The following NT5C2 variants were observed in gnomAD, a reference collection of about 807,000 sequenced individuals.
The protein encoded by NT5C2 is cytosolic purine 5'-nucleotidase.
A neutral mutation model predicts 76.1 loss-of-function variants in NT5C2; 58 were observed. The ratio of observed to expected loss-of-function variants is 0.76; its 90% CI spans 0.62 to 0.95. NT5C2 has a LOEUF of 0.95. NT5C2 is among the 40% of genes least tolerant of loss of function. The pLI is 0.00. For missense variants in NT5C2, 478 were observed against 690.3 expected (o/e 0.69, Z 3.45); for synonymous variants, 229 against 237.4 (o/e 0.96, Z 0.32).
chr10:103,142,931 G>GT (rs2133274300), intron 3 of NT5C2, among the ~76,000 whole-genome samples: 1 of 149,322 alleles, frequency 6.7e-6, no homozygotes, highest in African/African-American at 2.5e-5. Flanking sequence ...AGAGGTTGCC[G>GT]TGAGCCAAGA....
intron 3 of NT5C2, among the ~76,000 whole-genome samples, chr10:103,141,817 T>C (rs1207809460): frequency 6.6e-6 from 1 of 152,204 alleles, no homozygotes; most frequent in African/African-American, 2.4e-5. Context: ...TCATGAAACT[T>C]ATATTGTAAT....
intron 4 of NT5C2, among the ~76,000 whole-genome samples, chr10:103,121,291 A>G (rs1472859771): frequency 6.6e-6 from 1 of 152,238 alleles, no homozygotes; most frequent in Non-Finnish European, 1.5e-5. Flanking sequence ...TATATTCTAT[A>G]TATTTTACCA....
intron 14 of NT5C2, 96 bp from the exon 15 acceptor site, chr10:103,093,405 CTTA>C: frequency 9.2e-7 from 1 of 1,089,418 alleles, no homozygotes; most frequent in African/African-American, 1.6e-5. Flanking sequence ...TCATTTTATT[CTTA>C]TATGAGGAAC....
At chr10:103,089,968 A>G (rs2066272449) in intron 18 of NT5C2, 60 bp from the exon 19 acceptor site, 2 of 1,383,788 alleles carry the variant, frequency 1.4e-6, no homozygotes, top group Non-Finnish European at 2.0e-6. Flanking sequence ...TACTCCCCAA[A>G]TCCTAACCCC....
rs368236468 is a variant in NT5C2, at chr10:103,093,985, G to A, written c.975C>T (p.Ile325=). 81 of 1,612,924 alleles carry A rather than the reference G, an allele frequency of 5.0e-5. No homozygotes were observed. The highest frequency in any genetic ancestry group is 3.5e-4 in the South Asian group (32 of 91,058). ...GTYTGPLQHG[I]VYSGGSSDTI... ...TCTGTGACTTACCTCCTGAGTAGAC[G>A]ATACCATGCTGTAGGGGCCCTGTGT... The change falls in exon 14 of 19, where the codon ATC becomes ATT. Residue 325 remains isoleucine, a synonymous_variant. Coordinates refer to ENST00000404739, the MANE Select transcript of NT5C2 (RefSeq NM_001351169.2).
chr10:103,187,612 T>A (rs901080558), intron 1 of NT5C2, among the ~76,000 whole-genome samples: 3 of 151,990 alleles, frequency 2.0e-5, no homozygotes, highest in African/African-American at 7.2e-5. Flanking sequence ...TTGGTCTTAT[T>A]TACACAGCAT....
chr10:103,106,451 C>T (rs2071292400), intron 5 of NT5C2, 138 bp downstream of exon 5: 1 of 652,254 alleles, frequency 1.5e-6, no homozygotes, highest in Non-Finnish European at 2.7e-6. Flanking sequence ...TCAACATCAA[C>T]CAACCAAAAA....
chr10:103,156,389 G>C (rs2083384342), intron 3 of NT5C2, among the ~76,000 whole-genome samples: 1 of 152,156 alleles, frequency 6.6e-6, no homozygotes, highest in Admixed American at 6.5e-5. Context: ...TCACTTCTTG[G>C]ATCTATGGTG....
intron 3 of NT5C2, among the ~76,000 whole-genome samples, chr10:103,159,795 G>A (rs2084363285): frequency 6.6e-6 from 1 of 152,040 alleles, no homozygotes; most frequent in Non-Finnish European, 1.5e-5. Flanking sequence ...CATACTCATG[G>A]ATCAAAACAC....
At chr10:103,150,150 C>CA (rs1195609621) in intron 3 of NT5C2, among the ~76,000 whole-genome samples, 4 of 152,174 alleles carry the variant, frequency 2.6e-5, no homozygotes, top group Non-Finnish European at 5.9e-5. Context: ...ACTCATGCAA[C>CA]AACTACTACA....
intron 1 of NT5C2, among the ~76,000 whole-genome samples, chr10:103,184,181 A>C (rs1172141516): frequency 6.6e-6 from 1 of 152,110 alleles, no homozygotes; most frequent in Non-Finnish European, 1.5e-5. Flanking sequence ...CGAATTCCTG[A>C]CCTCAAGTGA....
rs72843997 is a variant in NT5C2, at chr10:103,093,533, A to G, written c.989-224T>C. Among the ~76,000 whole-genome samples the G allele has an allele frequency of 0.042, 6,400 of 152,276 alleles. 145 individuals are homozygous for G. Among genetic ancestry groups the G allele is most frequent in the Non-Finnish European group, 0.052 (3,549 of 68,012 alleles). On this transcript the variant is annotated intron_variant, in intron 14 of 18. Transcript: ENST00000404739. ...TTGCTCACCAAATCCAAGAGCAACA[A>G]AACTACATCCTCAGCTTAGTGAAAA... is the stretch of plus-strand genomic sequence containing the variant.
At chr10:103,173,450 T>C (rs1565283288) in intron 3 of NT5C2, among the ~76,000 whole-genome samples, 1 of 150,486 alleles carries the variant, frequency 6.6e-6, no homozygotes, top group Non-Finnish European at 1.5e-5. Context: ...ACCCCATCTC[T>C]ACCAAAAATA....
At chr10:103,158,399 A>AAT (rs1392382978) in intron 3 of NT5C2, among the ~76,000 whole-genome samples, 3 of 152,228 alleles carry the variant, frequency 2.0e-5, no homozygotes, top group East Asian at 1.9e-4. Flanking sequence ...CAGAGATTTA[A>AAT]ATATATATAT....
At chr10:103,156,573 TG>T (rs1243863281) in intron 3 of NT5C2, among the ~76,000 whole-genome samples, 1 of 150,654 alleles carries the variant, frequency 6.6e-6, no homozygotes, top group African/African-American at 2.4e-5. Flanking sequence ...CCAGCCAACG[TG>T]GCGAAACCCC....
At chr10:103,123,776 G>A (rs2076153589) in intron 4 of NT5C2, among the ~76,000 whole-genome samples, 2 of 151,978 alleles carry the variant, frequency 1.3e-5, no homozygotes, top group Non-Finnish European at 2.9e-5. Context: ...AAAAAAACTG[G>A]AATGTACCTC....
intron 1 of NT5C2, among the ~76,000 whole-genome samples, chr10:103,183,179 A>G (rs2091389024): frequency 6.6e-6 from 1 of 150,536 alleles, no homozygotes; most frequent in Admixed American, 6.6e-5. Context: ...GAAATAAGCT[A>G]TAGCTTTTTT....
intron 12 of NT5C2, chr10:103,094,659 A>C: frequency 2.0e-6 from 1 of 488,020 alleles, no homozygotes; most frequent in Non-Finnish European, 3.7e-6. Context: ...CGAGGCGGGC[A>C]GATCACAAGG....
Position 103,094,408 on chromosome 10 carries a change from C to T in NT5C2, c.861G>A (p.Leu287=), listed in dbSNP as rs2067663768. 4.3e-6 allele frequency: 7 copies of T among 1,613,778 alleles called. No individual in the cohort carries two copies. The East Asian group carries it at 1.6e-4, about 36-fold the overall frequency. Residue 287 remains leucine (L), a synonymous_variant, in exon 13 of 19, where the codon TTG becomes TTA. Coordinates refer to ENST00000404739, the MANE Select transcript of NT5C2 (RefSeq NM_001351169.2). ...AAAAGAGTGGTTTCCGTGCATCCAC[C>T]AAGATCAAGTCAAAGTAGGACTGCC... ...RPWQSYFDLI[L]VDARKPLFFG...
Sources: gnomAD v4.1 joint callset for allele counts (sites outside exome capture counted in the v4.1 genomes callset) on GRCh38, gnomAD v4.1.1 for gene constraint, MANE v1.5 for transcripts, NCBI Gene and HGNC (gene_info 2026-07-23, HGNC 2026-07-21) for gene names.